ATMIN: variants seen among roughly 807,000 people sequenced by gnomAD.
ATMIN encodes ATM interactor, also known as ATM INteracting protein.
A neutral mutation model predicts 49.2 loss-of-function variants in ATMIN; 24 were observed. The observed-to-expected ratio is 0.49, with a 90% CI of 0.35 to 0.69. The LOEUF is 0.69. Ranked by LOEUF, ATMIN falls within the 30% of genes least tolerant of loss-of-function variation. The pLI is 0.00. For synonymous variants in ATMIN, 450 were observed against 392.5 expected, an observed-to-expected ratio of 1.15 and a Z score of -1.73; for missense variants, 1,037 against 1,005.5, an observed-to-expected ratio of 1.03 and a Z score of -0.42.
In ATMIN at chr16:81,044,692, A is replaced by C. The variant is rs747757337; in HGVS notation, c.2194A>C (p.Ser732Arg). The C allele has an allele frequency of 1.4e-5, 22 of 1,614,074 alleles. No homozygotes were observed. The highest frequency in any genetic ancestry group is 1.8e-5 in the Non-Finnish European group (21 of 1,180,038). ...TCTGAAACACTCCAGCTTTTCCGTG[A>C]GTACTGATTCATCTGACACAGAGAC... ...SILKHSSFSV[S>R]TDSSDTETQT... The change falls in exon 4 of 4, where the codon AGT becomes CGT. Residue 732 changes from serine (S) to arginine (R), a missense_variant. By Grantham distance (110) the Ser-to-Arg change is moderately radical (BLOSUM62 -1). Transcript: ENST00000299575.
intron 1 of ATMIN, among the ~76,000 whole-genome samples, 166 bp downstream of exon 1, chr16:81,036,372 T>TCGCGGCAGG (rs902082903): frequency 6.6e-6 from 1 of 151,690 alleles, no homozygotes; most frequent in African/African-American, 2.4e-5. Flanking sequence ...TCTCGAACCC[T>TCGCGGCAGG]CGCGGCAGGC....
At chr16:81,038,611 C>G (rs1474506010) in intron 1 of ATMIN, among the ~76,000 whole-genome samples, 1 of 152,150 alleles carries the variant, frequency 6.6e-6, no homozygotes, top group Non-Finnish European at 1.5e-5. Flanking sequence ...CAATAGCCAT[C>G]TATATGATGG....
In ATMIN at chr16:81,044,474, T is replaced by C. The variant is rs1382831298; in HGVS notation, c.1976T>C (p.Met659Thr). ...TQTEESELST[M>T]TTEPVLESLD... is the part of the protein sequence containing the mutation. ...ACTGAAGAGAGTGAACTTAGCACCA[T>C]GACCACCGAGCCAGTCTTGGAGTCA... The change falls in exon 4 of 4, where the codon ATG becomes ACG. Residue 659 changes from methionine (M) to threonine (T), a missense_variant. Transcript: ENST00000299575. 2 of 1,614,034 alleles carry C rather than the reference T, an allele frequency of 1.2e-6. No individual in the cohort carries two copies. Among genetic ancestry groups the C allele is most frequent in the African/African-American group, 1.3e-5 (1 of 74,996 alleles).
In ATMIN at chr16:81,043,623, T is replaced by G. The variant is rs1441024408; in HGVS notation, c.1125T>G (p.Ile375Met). 3.1e-6 allele frequency: 5 copies of G among 1,614,232 alleles called. No individual in the cohort carries two copies. Among genetic ancestry groups the G allele is most frequent in the Non-Finnish European group, 4.2e-6 (5 of 1,180,036 alleles). The stretch of plus-strand genomic sequence containing the variant: ...CTCTTTTCAAAATTGCTAATCCTAT[T>G]GCTGGTGAGCCAATAAGTACTGGTG... ...SLPLFKIANP[I>M]AGEPISTGVQ... Residue 375 changes from isoleucine to methionine, a missense_variant, in exon 4 of 4, where the codon ATT (isoleucine) becomes ATG (methionine). Ile to Met is a conservative substitution (Grantham distance 10). Transcript: ENST00000299575.
At chr16:81,038,377 C>G (rs530860855) in intron 1 of ATMIN, among the ~76,000 whole-genome samples, 1 of 152,084 alleles carries the variant, frequency 6.6e-6, no homozygotes, top group East Asian at 1.9e-4. Flanking sequence ...GTGATCCACC[C>G]GCCTCAGCCT....
At position 81,043,905 on chromosome 16, in the gene ATMIN, T is replaced by C. The variant is rs202159810; in HGVS notation, c.1407T>C (p.Thr469=). The part of the protein sequence containing the change: ...TQTFLPSSKV[T]SSIAAQTDAF... ...CATTTTTGCCCAGCTCTAAGGTAAC[T>C]TCATCTATAGCTGCTCAGACTGATG... is the stretch of plus-strand genomic sequence containing the variant. The change falls in exon 4 of 4, where the codon ACT becomes ACC. Residue 469 remains threonine (T), a synonymous_variant. Transcript: ENST00000299575. The C allele has an allele frequency of 1.2e-6, 2 of 1,614,054 alleles. No individual in the cohort carries two copies. The highest frequency in any genetic ancestry group is 1.7e-6 in the Non-Finnish European group (2 of 1,180,036).
chr16:81,039,463 G>C (rs748927364), intron 1 of ATMIN, among the ~76,000 whole-genome samples: 1 of 152,124 alleles, frequency 6.6e-6, no homozygotes, highest in Non-Finnish European at 1.5e-5. Flanking sequence ...AACGAGGATG[G>C]GTGAGAATGA....
intron 3 of ATMIN, 120 bp from the exon 4 acceptor site, chr16:81,043,041 T>C: frequency 2.4e-6 from 3 of 1,238,586 alleles, no homozygotes; most frequent in Admixed American, 2.8e-5. Flanking sequence ...TTATCTTGTC[T>C]GGGTTGAACA....
rs1971080561 is a variant in ATMIN, at chr16:81,044,074, A to G, written c.1576A>G (p.Asn526Asp). The G allele has an allele frequency of 1.2e-6, 2 of 1,614,076 alleles. No homozygotes were observed. The highest frequency in any genetic ancestry group is 1.7e-6 in the Non-Finnish European group (2 of 1,180,034). ...TTTTGAGAGTGTTCATTCATCATAT[A>G]ATGTTGCTACAGGTAACATTATAAG... ...DIFESVHSSY[N>D]VATGNIISNS... The change falls in exon 4 of 4, where the codon AAT becomes GAT. Residue 526 changes from asparagine (N) to aspartate (D), a missense_variant. Asn to Asp is a conservative substitution (Grantham distance 23, BLOSUM62 1). Transcript: ENST00000299575.
At position 81,042,400 on chromosome 16, in the gene ATMIN, A is replaced by C; in HGVS notation, c.582A>C (p.Thr194=). 1.2e-6 allele frequency: 2 copies of C among 1,614,204 alleles called. No homozygotes were observed. Among genetic ancestry groups the C allele is most frequent in the Middle Eastern group, 1.6e-4 (1 of 6,062 alleles). Residue 194 remains threonine (T), a synonymous_variant, in exon 3 of 4, where the codon ACA becomes ACC. Transcript: ENST00000299575. ...ACTGTGGCAAGACCTTCCGGTGCAC[A>C]TGCGGCTGTCCCTACGCCAGTAGAA... ...AEDCGKTFRC[T]CGCPYASRTA... is the part of the protein sequence containing the mutation.
intron 1 of ATMIN, among the ~76,000 whole-genome samples, chr16:81,036,656 C>G (rs1265514485): frequency 6.6e-6 from 1 of 152,206 alleles, no homozygotes; most frequent in African/African-American, 2.4e-5. Context: ...TGCCACGACA[C>G]CCACAATGCC....
intron 2 of ATMIN, 157 bp downstream of exon 2, chr16:81,041,638 C>A: frequency 1.1e-6 from 1 of 901,212 alleles, no homozygotes; most frequent in Non-Finnish European, 1.7e-6. Context: ...TGCTGTTACA[C>A]AAGTGGAGGG....
At chr16:81,038,998 G>A (rs1418157017) in intron 1 of ATMIN, among the ~76,000 whole-genome samples, 1 of 152,140 alleles carries the variant, frequency 6.6e-6, no homozygotes, top group Non-Finnish European at 1.5e-5. Flanking sequence ...GTTTCGCCAT[G>A]TTGGTCGGGC....
At position 81,041,333 on chromosome 16, in the gene ATMIN, TTAAAG is replaced by T. The variant is rs763140114; in HGVS notation, c.337-19_337-15del. 1.9e-6 allele frequency: 3 copies of T among 1,588,928 alleles called. No homozygotes were observed. Among genetic ancestry groups the T allele is most frequent in the Non-Finnish European group, 2.6e-6 (3 of 1,172,276 alleles). ...TGTGTTGTTTTTTTGAAATAATAATTTAAAGTAATTTTCCTTTTGCAGGATGGCAT... is the reference window on the plus strand; with the variant it reads ...TGTGTTGTTTTTTTGAAATAATAATTTAATTTTCCTTTTGCAGGATGGCAT... On this transcript the variant is annotated intron_variant, in intron 1 of 3. Coordinates refer to ENST00000299575, the MANE Select transcript of ATMIN (RefSeq NM_015251.3).
At chr16:81,037,020 C>T (rs890195393) in intron 1 of ATMIN, among the ~76,000 whole-genome samples, 1 of 152,146 alleles carries the variant, frequency 6.6e-6, no homozygotes, top group Non-Finnish European at 1.5e-5. Flanking sequence ...TACACCATGA[C>T]AATAGTCTCA....
chr16:81,036,705 T>G (rs1336201275), intron 1 of ATMIN, among the ~76,000 whole-genome samples: 1 of 152,142 alleles, frequency 6.6e-6, no homozygotes, highest in Admixed American at 6.5e-5. Context: ...TGTGCCACAA[T>G]AACTAGAAGA....
In ATMIN at chr16:81,044,564, G is replaced by A. The variant is rs753206807; in HGVS notation, c.2066G>A (p.Arg689Lys). 6.2e-7 allele frequency: 1 copy of A among 1,613,954 alleles called. No homozygotes were observed. The highest frequency in any genetic ancestry group is 8.5e-7 in the Non-Finnish European group (1 of 1,179,960). The change falls in exon 4 of 4, where the codon AGG becomes AAG. Residue 689 changes from arginine to lysine, a missense_variant. Arg to Lys is a conservative substitution (Grantham distance 26). Transcript: ENST00000299575. Reference protein sequence around the residue: ...ADTSAQSYGCRGNSNFLGLEM... With the variant: ...ADTSAQSYGCKGNSNFLGLEM... ...ACCTCTGCTCAGTCCTATGGGTGTAGGGGAAATTCTAACTTCTTAGGCCTT... is the reference window on the plus strand; with the variant it reads ...ACCTCTGCTCAGTCCTATGGGTGTAAGGGAAATTCTAACTTCTTAGGCCTT...
chr16:81,037,784 T>C (rs542964575), intron 1 of ATMIN, among the ~76,000 whole-genome samples: 1 of 151,982 alleles, frequency 6.6e-6, no homozygotes, highest in South Asian at 2.1e-4. Flanking sequence ...TACAGGCACC[T>C]GCCACCACAC....
At position 81,045,977 on chromosome 16, in the gene ATMIN, C is replaced by CA. The variant is rs34093092; in HGVS notation, c.*1020dup. 95,470 of 143,142 alleles carry CA rather than the reference C, an allele frequency of 0.67. 34,293 individuals carry two copies. The highest frequency in any genetic ancestry group is 0.84 in the South Asian group (3,747 of 4,456). The allele number at this position is 143,142 out of a possible 1,614,324, so 8.9% of individuals were successfully genotyped here. ...TGGGTAACAGGGCAAGACCCTATCT[C>CA]AAAAAAAAAAAAAGTCGCCAGCAAC... On this transcript the variant is annotated 3_prime_UTR_variant, in exon 4 of 4. Coordinates refer to ENST00000299575, the MANE Select transcript of ATMIN (RefSeq NM_015251.3).
Sources: allele counts gnomAD v4.1 joint callset (sites outside exome capture counted in the v4.1 genomes callset), GRCh38; gene constraint gnomAD v4.1.1; transcripts MANE v1.5; gene names NCBI Gene and HGNC (gene_info 2026-07-23, HGNC 2026-07-21).